EEA1: variants seen among roughly 807,000 people sequenced by gnomAD.
The protein encoded by EEA1 is early endosome antigen 1, 162kD.
In EEA1, 111 loss-of-function variants were observed where a neutral mutation model predicts 209.2. The ratio of observed to expected loss-of-function variants is 0.53; its 90% CI spans 0.45 to 0.62. The LOEUF (loss-of-function observed/expected upper bound fraction) is 0.62, where lower values mean the gene tolerates loss of function less well. Ranked by LOEUF, EEA1 falls within the 20% of genes least tolerant of loss-of-function variation. The probability of loss-of-function intolerance (pLI) is 0.00; values close to 1 mark genes in which losing one functional copy is unlikely to be tolerated. For missense variants in EEA1, 1,343 were observed against 1,530.8 expected, an observed-to-expected ratio of 0.88 and a Z score of 2.05; for synonymous variants, 536 against 540.6, an observed-to-expected ratio of 0.99 and a Z score of 0.12.
intron 21 of EEA1, among the ~76,000 whole-genome samples, chr12:92,789,930 A>C (rs1856860713): frequency 6.6e-6 from 1 of 152,180 alleles, no homozygotes; most frequent in Non-Finnish European, 1.5e-5. Context: ...CAGAGGAAGG[A>C]TCAGGCAGCA....
At chr12:92,928,707 C>T (rs1413389096) in intron 1 of EEA1, among the ~76,000 whole-genome samples, 1 of 152,126 alleles carries the variant, frequency 6.6e-6, no homozygotes, top group African/African-American at 2.4e-5. Flanking sequence ...CCACGGGCAC[C>T]AACTCTCCAT....
chr12:92,825,619 A>C (rs1168626310), intron 13 of EEA1, among the ~76,000 whole-genome samples: 1 of 152,068 alleles, frequency 6.6e-6, no homozygotes, highest in Admixed American at 6.5e-5. Flanking sequence ...TATTTTCTAC[A>C]CCTACAATTC....
rs1352185418 is a variant in EEA1 at position 92,771,981 on chromosome 12, T to A, written c.*4030A>T. ...TGTCTAATATACAATATATTAGATGTTTGAGGATATGCACATTAAACTCTT... is the reference window on the plus strand; with the variant it reads ...TGTCTAATATACAATATATTAGATGATTGAGGATATGCACATTAAACTCTT... On this transcript the variant is annotated 3_prime_UTR_variant, in exon 29 of 29. Transcript: ENST00000322349. 6.6e-6 allele frequency: 1 copy of A among 151,882 alleles called. No individual in the cohort carries two copies. Among genetic ancestry groups the A allele is most frequent in the Non-Finnish European group, 1.5e-5 (1 of 67,858 alleles). 9.4% of individuals were successfully genotyped at this position (151,882 alleles called of 1,614,324 possible).
Position 92,777,536 on chromosome 12 carries a change from G to T in EEA1, c.4014+7C>A. On this transcript the variant is annotated splice_region_variant and intron_variant, in intron 27 of 28. Transcript: ENST00000322349. ...AAAAAACTGCTTCATATCCATAGGTGACTGACCTGAAGTGATTGGTTTTCT... is the reference window on the plus strand; with the variant it reads ...AAAAAACTGCTTCATATCCATAGGTTACTGACCTGAAGTGATTGGTTTTCT... 6.2e-7 allele frequency: 1 copy of T among 1,607,326 alleles called. No homozygotes were observed. The highest frequency in any genetic ancestry group is 1.1e-5 in the South Asian group (1 of 89,842).
chr12:92,878,451 T>C (rs893485619), intron 2 of EEA1, among the ~76,000 whole-genome samples: 2 of 152,170 alleles, frequency 1.3e-5, no homozygotes, highest in Non-Finnish European at 1.5e-5. Context: ...TTTTCAGCTT[T>C]CTGAGACAGC....
At chr12:92,815,372 C>T (rs1332229362) in intron 15 of EEA1, among the ~76,000 whole-genome samples, 1 of 152,208 alleles carries the variant, frequency 6.6e-6, no homozygotes, top group Non-Finnish European at 1.5e-5. Context: ...ATTCCCTCCT[C>T]ATTCCCCTCC....
chr12:92,826,418 G>A, intron 12 of EEA1, 133 bp from the exon 13 acceptor site: 1 of 765,826 alleles, frequency 1.3e-6, no homozygotes, highest in East Asian at 3.1e-5. Context: ...AACTTTAAAA[G>A]TGGTACCTTG....
chr12:92,832,798 T>C lies in EEA1; in HGVS notation c.968A>G (p.Glu323Gly). 1 of 1,613,784 alleles carries C rather than the reference T, an allele frequency of 6.2e-7. No homozygotes were observed. The highest frequency in any genetic ancestry group is 8.5e-7 in the Non-Finnish European group (1 of 1,179,954). Reference sequence around the variant, plus strand: ...ACTCACAGATTCTTCATTATGTTTCTCCTCTAACTTAGTATAGTCTTGTTC... The same window carrying C: ...ACTCACAGATTCTTCATTATGTTTCCCCTCTAACTTAGTATAGTCTTGTTC... ...KKEQDYTKLE[E>G]KHNEESVSKK... Residue 323 changes from glutamate (E) to glycine (G), a missense_variant, in exon 11 of 29, where the codon GAG becomes GGG. Physicochemically the swap from Glu to Gly is moderately conservative, Grantham distance 98 (BLOSUM62 -2). Coordinates refer to ENST00000322349, the MANE Select transcript of EEA1 (RefSeq NM_003566.4).
At chr12:92,791,219 C>A (rs1018751604) in intron 21 of EEA1, among the ~76,000 whole-genome samples, 2 of 152,106 alleles carry the variant, frequency 1.3e-5, no homozygotes, top group Non-Finnish European at 1.5e-5. Context: ...CATTAATTAA[C>A]GGGCAAAATA....
intron 1 of EEA1, among the ~76,000 whole-genome samples, chr12:92,928,809 A>G (rs1417028266): frequency 1.3e-5 from 2 of 150,978 alleles, no homozygotes; most frequent in Non-Finnish European, 3.0e-5. Flanking sequence ...CCCGCGCCGG[A>G]GCGGGCGCCA....
In EEA1 at chr12:92,913,929, G is replaced by C. The variant is rs1880671419; in HGVS notation, c.24+15114C>G. Among the ~76,000 whole-genome samples, 3 of 152,102 alleles carry C rather than the reference G, an allele frequency of 2.0e-5. No homozygotes were observed. In the South Asian group the frequency reaches 6.2e-4, roughly 32 times the overall value. ...GCCCGCCTAGGCCTCCCAAAGTGCT[G>C]GGAGCCATCACACTTGGCCTAGTTT... is the stretch of plus-strand genomic sequence containing the variant. On this transcript the variant is annotated intron_variant, in intron 1 of 28. Transcript: ENST00000322349.
chr12:92,820,384 A>T (rs1393936605), intron 13 of EEA1, among the ~76,000 whole-genome samples: 2 of 152,156 alleles, frequency 1.3e-5, no homozygotes, highest in Non-Finnish European at 2.9e-5. Flanking sequence ...ATTTGAGATC[A>T]GTCACTTTCA....
intron 2 of EEA1, chr12:92,883,698 G>T: frequency 1.3e-6 from 1 of 774,244 alleles, no homozygotes; most frequent in Non-Finnish European, 2.2e-6. Context: ...AGTGAGACAC[G>T]TTCATCAGCT....
At chr12:92,842,308 TAGAG>T (rs1323613296) in intron 10 of EEA1, among the ~76,000 whole-genome samples, 153 bp downstream of exon 10, 1 of 151,760 alleles carries the variant, frequency 6.6e-6, no homozygotes, top group African/African-American at 2.4e-5. Flanking sequence ...AAAAAAGTTC[TAGAG>T]ATTGGTTTGC....
At chr12:92,850,192 A>G (rs1565834392) in intron 9 of EEA1, among the ~76,000 whole-genome samples, 1 of 152,228 alleles carries the variant, frequency 6.6e-6, no homozygotes, top group East Asian at 1.9e-4. Context: ...ATTCCTAAGG[A>G]CAGAACCAGA....
intron 15 of EEA1, among the ~76,000 whole-genome samples, chr12:92,814,739 C>A (rs969914476): frequency 3.3e-5 from 5 of 152,126 alleles, no homozygotes; most frequent in African/African-American, 1.2e-4. Flanking sequence ...ACAGTAAAAG[C>A]AGTGAAGTGC....
chr12:92,922,047 A>C (rs1881030705), intron 1 of EEA1, among the ~76,000 whole-genome samples: 2 of 152,042 alleles, frequency 1.3e-5, no homozygotes, highest in African/African-American at 4.8e-5. Context: ...AAACTGAAAT[A>C]GGTATGACCC....
At chr12:92,781,054 G>A (rs1013958987) in intron 23 of EEA1, among the ~76,000 whole-genome samples, 1 of 152,266 alleles carries the variant, frequency 6.6e-6, no homozygotes, top group South Asian at 2.1e-4. Context: ...GGGACTACAG[G>A]TGTGCACCAC....
At chr12:92,781,841 G>A in intron 23 of EEA1, 109 bp downstream of exon 23, 1 of 919,152 alleles carries the variant, frequency 1.1e-6, no homozygotes, top group Non-Finnish European at 1.5e-6. Context: ...CTCTGAGAGA[G>A]CTGTTGAAAA....
Sources: gnomAD v4.1 joint callset for allele counts (sites outside exome capture counted in the v4.1 genomes callset) on GRCh38, gnomAD v4.1.1 for gene constraint, MANE v1.5 for transcripts, NCBI Gene and HGNC (gene_info 2026-07-23, HGNC 2026-07-21) for gene names.